PTPRG: variants seen among roughly 807,000 people sequenced by gnomAD.
PTPRG encodes the protein receptor-type tyrosine-protein phosphatase gamma.
A neutral mutation model predicts 165.3 loss-of-function variants in PTPRG; 102 were observed. The observed-to-expected ratio is 0.62, with a 90% CI of 0.53 to 0.73. The LOEUF is 0.73. Among genes scored for constraint, PTPRG ranks in the 30% least tolerant of loss-of-function variants. PTPRG has a pLI of 0.00. For missense variants in PTPRG, 1,866 were observed against 1,861.4 expected, an observed-to-expected ratio of 1.00 and a Z score of -0.05; for synonymous variants, 675 against 669.5, an observed-to-expected ratio of 1.01 and a Z score of -0.13.
At chr3:61,828,839 C>G (rs2036187533) in intron 2 of PTPRG, among the ~76,000 whole-genome samples, 1 of 152,074 alleles carries the variant, frequency 6.6e-6, no homozygotes, top group African/African-American at 2.4e-5. Context: ...TTTTCATGTC[C>G]CTGAGGGATC....
chr3:61,566,980 A>C (rs1270871070), intron 1 of PTPRG, among the ~76,000 whole-genome samples: 1 of 152,212 alleles, frequency 6.6e-6, no homozygotes, highest in Non-Finnish European at 1.5e-5. Context: ...GTTACATTTC[A>C]TGTGGTCACA....
intron 4 of PTPRG, among the ~76,000 whole-genome samples, chr3:62,051,017 T>C (rs1481180232): frequency 1.3e-5 from 2 of 152,190 alleles, no homozygotes; most frequent in African/African-American, 2.4e-5. Flanking sequence ...AGAATTGTTA[T>C]CCAAAGGAAA....
chr3:62,101,178 C>T (rs1430226418), intron 5 of PTPRG, among the ~76,000 whole-genome samples: 1 of 152,164 alleles, frequency 6.6e-6, no homozygotes, highest in Non-Finnish European at 1.5e-5. Context: ...TACACTTATT[C>T]TTTCTACTTT....
At chr3:61,707,280 A>T (rs1225068479) in intron 1 of PTPRG, among the ~76,000 whole-genome samples, 1 of 152,238 alleles carries the variant, frequency 6.6e-6, no homozygotes, top group Non-Finnish European at 1.5e-5. Context: ...AGTGTTCTCC[A>T]GAGAAATAGA....
intron 2 of PTPRG, 126 bp downstream of exon 2, chr3:61,749,108 A>G (rs1216475151): frequency 4.9e-6 from 4 of 823,332 alleles, no homozygotes; most frequent in African/African-American, 3.4e-5. Context: ...GTAGTTCACT[A>G]AAAGTTGAAA....
intron 2 of PTPRG, among the ~76,000 whole-genome samples, chr3:61,805,666 G>A (rs1011646081): frequency 1.3e-5 from 2 of 152,096 alleles, no homozygotes; most frequent in Non-Finnish European, 2.9e-5. Flanking sequence ...GTTAAAGGGC[G>A]TCACTGATTC....
At chr3:62,009,470 A>T (rs756048463) in intron 4 of PTPRG, among the ~76,000 whole-genome samples, 25 of 152,176 alleles carry the variant, frequency 1.6e-4, no homozygotes, top group Non-Finnish European at 2.1e-4. Flanking sequence ...GTCTTCAGGT[A>T]TGTTACCTTG....
At chr3:61,885,835 C>G (rs1286179252) in intron 2 of PTPRG, among the ~76,000 whole-genome samples, 1 of 148,472 alleles carries the variant, frequency 6.7e-6, no homozygotes, top group Non-Finnish European at 1.5e-5. Flanking sequence ...CATGTGTCAC[C>G]TCACCTTTCA....
At chr3:61,835,915 C>G (rs1362610202) in intron 2 of PTPRG, among the ~76,000 whole-genome samples, 1 of 151,714 alleles carries the variant, frequency 6.6e-6, no homozygotes, top group Admixed American at 6.6e-5. Flanking sequence ...TGGCACATGC[C>G]TGTAATTCCA....
intron 8 of PTPRG, among the ~76,000 whole-genome samples, chr3:62,183,240 C>T (rs573918996): frequency 3.3e-5 from 5 of 152,264 alleles, no homozygotes; most frequent in Non-Finnish European, 5.9e-5. Flanking sequence ...GAGCTGGGCT[C>T]ATCAGATAGG....
intron 10 of PTPRG, among the ~76,000 whole-genome samples, chr3:62,198,747 C>T (rs947010693): frequency 1.3e-5 from 2 of 152,198 alleles, no homozygotes; most frequent in East Asian, 3.8e-4. Flanking sequence ...TGACGAACAT[C>T]AATGATATTC....
chr3:61,655,020 C>G (rs528180020), intron 1 of PTPRG, among the ~76,000 whole-genome samples: 106 of 152,010 alleles, frequency 7.0e-4, no homozygotes, highest in Non-Finnish European at 1.4e-3. Context: ...CTCCTGACCT[C>G]AGGTGATCCA....
intron 4 of PTPRG, among the ~76,000 whole-genome samples, chr3:62,039,420 A>G (rs771332663): frequency 2.2e-4 from 33 of 152,274 alleles, no homozygotes; most frequent in Non-Finnish European, 4.6e-4. Flanking sequence ...AGGGGGAAAA[A>G]ATATCTTTTT....
intron 1 of PTPRG, among the ~76,000 whole-genome samples, chr3:61,590,925 C>A (rs1202924060): frequency 6.6e-6 from 1 of 152,116 alleles, no homozygotes; most frequent in Non-Finnish European, 1.5e-5. Flanking sequence ...GCCTGGCCAA[C>A]ATGATGAAAT....
chr3:61,728,955 G>A (rs61619166), intron 1 of PTPRG, among the ~76,000 whole-genome samples: 1 of 151,760 alleles, frequency 6.6e-6, no homozygotes, highest in Non-Finnish European at 1.5e-5. Flanking sequence ...CTGGTTACTT[G>A]AGAGTTTGAG....
chr3:61,898,418 G>A (rs943854740), intron 2 of PTPRG, among the ~76,000 whole-genome samples: 1 of 152,124 alleles, frequency 6.6e-6, no homozygotes, highest in African/African-American at 2.4e-5. Flanking sequence ...TTATGCTGCT[G>A]CTTTTTTCTG....
intron 8 of PTPRG, among the ~76,000 whole-genome samples, chr3:62,187,152 G>A (rs192449342): frequency 6.6e-6 from 1 of 152,238 alleles, no homozygotes; most frequent in African/African-American, 2.4e-5. Flanking sequence ...TCCACCTAGT[G>A]GGGGAGATAG....
chr3:61,814,757 T>C (rs1259831081), intron 2 of PTPRG, among the ~76,000 whole-genome samples: 1 of 151,196 alleles, frequency 6.6e-6, no homozygotes, highest in East Asian at 1.9e-4. Context: ...TTTTTTCTTC[T>C]TTGTATTCAT....
chr3:61,661,032 A>T (rs574199432), intron 1 of PTPRG, among the ~76,000 whole-genome samples: 1 of 152,036 alleles, frequency 6.6e-6, no homozygotes, highest in Non-Finnish European at 1.5e-5. Context: ...AATTTAATAC[A>T]TTAAACAGGT....
Sources: gnomAD v4.1 joint callset for allele counts (sites outside exome capture counted in the v4.1 genomes callset) on GRCh38, gnomAD v4.1.1 for gene constraint, MANE v1.5 for transcripts, NCBI Gene and HGNC (gene_info 2026-07-23, HGNC 2026-07-21) for gene names.